Variants in WDR12 observed in about 807,000 individuals in gnomAD.
The protein encoded by WDR12 is WD repeat domain 12.
A neutral mutation model predicts 64.3 loss-of-function variants in WDR12; 42 were observed. The observed-to-expected ratio is 0.65, with a 90% CI of 0.51 to 0.84. The LOEUF is 0.84. WDR12 is among the 40% of genes least tolerant of loss of function. The pLI, the probability that WDR12 is intolerant of heterozygous loss-of-function variation, is 0.00. For synonymous variants in WDR12, 158 were observed against 173.3 expected (o/e 0.91, Z 0.70); for missense variants, 469 against 494.6 (o/e 0.95, Z 0.49).
At chr2:202,889,384 A>C (rs1199207201) in intron 8 of WDR12, among the ~76,000 whole-genome samples, 1 of 152,198 alleles carries the variant, frequency 6.6e-6, no homozygotes. Flanking sequence ...AAAAAAATCA[A>C]TAAGTAAAAT....
In WDR12 at chr2:202,882,827, TAAAAC is replaced by T. The variant is rs554685519; in HGVS notation, c.1122-49_1122-45del. ...AACATATTATATGCATTCACAGTGT[TAAAAC>T]AAACATTTGAATAATCACTTATACT... On this transcript the variant is annotated intron_variant, in intron 11 of 12. Transcript: ENST00000261015. 2.2e-5 allele frequency: 34 copies of T among 1,578,974 alleles called. No individual in the cohort carries two copies. In the South Asian group the frequency reaches 3.5e-4, roughly 16 times the overall value.
At chr2:202,888,695 A>G (rs952457976) in intron 8 of WDR12, among the ~76,000 whole-genome samples, 1 of 152,098 alleles carries the variant, frequency 6.6e-6, no homozygotes, top group Non-Finnish European at 1.5e-5. Flanking sequence ...TTTTTCTATT[A>G]TTTTGCTAAA....
intron 7 of WDR12, among the ~76,000 whole-genome samples, chr2:202,893,789 C>A (rs1359564848): frequency 1.3e-5 from 2 of 152,110 alleles, no homozygotes; most frequent in Non-Finnish European, 2.9e-5. Context: ...TATGAAAGCA[C>A]CTTCCTCTCA....
At chr2:202,906,661 C>T (rs538723863) in intron 2 of WDR12, among the ~76,000 whole-genome samples, 2 of 152,038 alleles carry the variant, frequency 1.3e-5, no homozygotes, top group Non-Finnish European at 2.9e-5. Context: ...GTCAGGAGTT[C>T]GAGACCAGCC....
At chr2:202,908,332 G>A (rs1358593126) in intron 1 of WDR12, among the ~76,000 whole-genome samples, 4 of 152,328 alleles carry the variant, frequency 2.6e-5, no homozygotes, top group Non-Finnish European at 2.9e-5. Flanking sequence ...GCATGTGCCC[G>A]TAGTCCCAGC....
chr2:202,906,985 A>G (rs1688469633), intron 2 of WDR12, among the ~76,000 whole-genome samples: 1 of 149,208 alleles, frequency 6.7e-6, no homozygotes, highest in Admixed American at 6.7e-5. Flanking sequence ...GACTTCCTCT[A>G]TCACCCAGGC....
intron 8 of WDR12, 98 bp from the exon 9 acceptor site, chr2:202,884,633 CA>C: frequency 1.6e-6 from 2 of 1,258,506 alleles, no homozygotes; most frequent in Non-Finnish European, 2.2e-6. Flanking sequence ...ATGACAGAGA[CA>C]AACTGCCCAT....
chr2:202,911,581 C>T lies in WDR12; in HGVS notation c.-105G>A. 9.5e-7 allele frequency: 1 copy of T among 1,057,434 alleles called. No homozygotes were observed. The highest frequency in any genetic ancestry group is 1.8e-5 in the Admixed American group (1 of 57,078). The allele number at this position is 1,057,434 out of a possible 1,614,324, so 65.5% of individuals were successfully genotyped here. A position where few individuals can be genotyped will look rare whatever the true frequency, so the allele number is the denominator to read the frequency against. Reference sequence around the variant, plus strand: ...TACAAAGAGGCAGCTCAAAATTAGACTGCACAGGTAAGCGAGGAACTGCAG... The same window carrying T: ...TACAAAGAGGCAGCTCAAAATTAGATTGCACAGGTAAGCGAGGAACTGCAG... On this transcript the variant is annotated 5_prime_UTR_variant, in exon 1 of 13. Transcript: ENST00000261015.
Position 202,877,118 on chromosome 2 carries a change from T to A in WDR12, c.*3742A>T, listed in dbSNP as rs868660737. 1.0e-3 allele frequency: 157 copies of A among 151,754 alleles called. 1 individual carries two copies. Among genetic ancestry groups the A allele is most frequent in the African/African-American group, 1.9e-3 (80 of 41,458 alleles). The allele number at this position is 151,754 out of a possible 1,614,324, so 9.4% of individuals were successfully genotyped here. On this transcript the variant is annotated 3_prime_UTR_variant, in exon 13 of 13. Transcript: ENST00000261015. ...AGATGGTATATATATATATATATTT[T>A]TTTTTTTGCAGGGTTGCTTGTTCCA...
intron 2 of WDR12, among the ~76,000 whole-genome samples, chr2:202,903,500 GAAGT>G (rs1354303834): frequency 3.9e-4 from 45 of 115,220 alleles, no homozygotes; most frequent in South Asian, 6.5e-4. Flanking sequence ...AGGAAGGAAG[GAAGT>G]GAGGGAGGGA....
rs373406819 is a variant in WDR12 at position 202,902,577 on chromosome 2, C to T, written c.137-1458G>A. Among the ~76,000 whole-genome samples the T allele has an allele frequency of 7.2e-5, 11 of 152,304 alleles. No homozygotes were observed. In the East Asian group the frequency reaches 1.4e-3, roughly 19 times the overall value. ...CAGTCTTCAGGCCTTTATCTTACTC[C>T]TGTGCTTCCTGCCCTCAAACATTGA... On this transcript the variant is annotated intron_variant, in intron 2 of 12. Transcript: ENST00000261015.
At chr2:202,896,620 G>C (rs1688247122) in intron 5 of WDR12, among the ~76,000 whole-genome samples, 1 of 151,764 alleles carries the variant, frequency 6.6e-6, no homozygotes, top group South Asian at 2.1e-4. Context: ...GAACTCAGGA[G>C]GTGGAAGTTG....
chr2:202,886,102 C>G (rs1194892259), intron 8 of WDR12, among the ~76,000 whole-genome samples: 1 of 148,594 alleles, frequency 6.7e-6, no homozygotes, highest in Non-Finnish European at 1.5e-5. Context: ...TTTTACAACA[C>G]TTTATAATTG....
At chr2:202,900,423 G>A (rs1688329033) in intron 3 of WDR12, among the ~76,000 whole-genome samples, 2 of 151,994 alleles carry the variant, frequency 1.3e-5, no homozygotes, top group Admixed American at 1.3e-4. Context: ...TTAGGATAAG[G>A]AAACAATTCT....
Position 202,879,591 on chromosome 2 carries a change from G to T in WDR12, c.*1269C>A, listed in dbSNP as rs1166194478. 1 of 150,190 alleles carries T rather than the reference G, an allele frequency of 6.7e-6. No individual in the cohort carries two copies. The highest frequency in any genetic ancestry group is 1.5e-5 in the Non-Finnish European group (1 of 67,570). The allele number at this position is 150,190 out of a possible 1,614,324, so 9.3% of individuals were successfully genotyped here. A position where few individuals can be genotyped will look rare whatever the true frequency, so the allele number is the denominator to read the frequency against. On this transcript the variant is annotated 3_prime_UTR_variant, in exon 13 of 13. Coordinates refer to ENST00000261015, the MANE Select transcript of WDR12 (RefSeq NM_018256.4). Reference sequence around the variant, plus strand: ...GTGTGCCACCACACCCGGCTAATTTGTTTTGGATTTTTTTTTTTTTAGTAG... The same window carrying T: ...GTGTGCCACCACACCCGGCTAATTTTTTTTGGATTTTTTTTTTTTTAGTAG...
At chr2:202,902,813 T>C (rs1022068213) in intron 2 of WDR12, among the ~76,000 whole-genome samples, 1 of 152,152 alleles carries the variant, frequency 6.6e-6, no homozygotes, top group Non-Finnish European at 1.5e-5. Flanking sequence ...ATAAACTCCC[T>C]CTCGGCTGTG....
At chr2:202,907,632 C>T (rs1688482313) in intron 2 of WDR12, among the ~76,000 whole-genome samples, 1 of 152,198 alleles carries the variant, frequency 6.6e-6, no homozygotes, top group African/African-American at 2.4e-5. Flanking sequence ...ACTACAACCA[C>T]CATATTTCCA....
At chr2:202,886,169 AGAG>A (rs953268536) in intron 8 of WDR12, among the ~76,000 whole-genome samples, 1 of 149,542 alleles carries the variant, frequency 6.7e-6, no homozygotes, top group African/African-American at 2.4e-5. Context: ...AAAAAAAAAG[AGAG>A]GAGGCCACAC....
chr2:202,910,747 GAGA>G (rs1390328380), intron 1 of WDR12, among the ~76,000 whole-genome samples: 3 of 152,176 alleles, frequency 2.0e-5, no homozygotes, highest in African/African-American at 7.2e-5. Context: ...CACAAGGGGA[GAGA>G]AGATGATTTA....
Sources: gnomAD v4.1 joint callset for allele counts (sites outside exome capture counted in the v4.1 genomes callset) on GRCh38, gnomAD v4.1.1 for gene constraint, MANE v1.5 for transcripts, NCBI Gene and HGNC (gene_info 2026-07-23, HGNC 2026-07-21) for gene names.